The following ITPR3 variants were observed in gnomAD, a reference collection of about 807,000 sequenced individuals.
ITPR3 encodes the protein inositol 1,4,5-trisphosphate receptor type 3.
In ITPR3, 173 loss-of-function variants were observed where a neutral mutation model predicts 293.2. The ratio of observed to expected loss-of-function variants is 0.59; its 90% CI spans 0.52 to 0.67. ITPR3 has a LOEUF of 0.67. ITPR3 is among the 30% of genes least tolerant of loss of function. ITPR3 has a pLI of 0.00. For missense variants in ITPR3, 2,796 were observed against 3,592.1 expected, an observed-to-expected ratio of 0.78 and a Z score of 5.66; for synonymous variants, 1,295 against 1,444.4, an observed-to-expected ratio of 0.90 and a Z score of 2.35.
In ITPR3 at chr6:33,655,635, T is replaced by A; in HGVS notation, c.161-131T>A. The A allele has an allele frequency of 8.2e-7, 1 of 1,221,494 alleles. No homozygotes were observed. Among genetic ancestry groups the A allele is most frequent in the Non-Finnish European group, 1.1e-6 (1 of 872,944 alleles). The allele number at this position is 1,221,494 out of a possible 1,614,324, so 75.7% of individuals were successfully genotyped here. On this transcript the variant is annotated intron_variant, in intron 2 of 57. Transcript: ENST00000605930. This position sits in a 1 kb window ranked among gnomAD's most constrained non-coding sequence, Gnocchi z 4.9. ...CTGTGAGGTTCTTCCAACCGCTTCC[T>A]CTCTACCTGCAGCGGGGAACGGGGG...
intron 3 of ITPR3, among the ~76,000 whole-genome samples, chr6:33,657,163 G>T (rs987287288): frequency 1.2e-4 from 19 of 152,240 alleles, no homozygotes; most frequent in South Asian, 1.0e-3. Flanking sequence ...CTCAGTAAAG[G>T]ACTGAGGAGG....
Position 33,679,978 on chromosome 6 carries a change from G to T in ITPR3, c.4069G>T (p.Glu1357Ter). 1 of 1,613,914 alleles carries T rather than the reference G, an allele frequency of 6.2e-7. No homozygotes were observed. Among genetic ancestry groups the T allele is most frequent in the Non-Finnish European group, 8.5e-7 (1 of 1,180,040 alleles). Residue 1357 changes from glutamate (E) to a stop codon, truncating the protein, a stop_gained, in exon 31 of 58, where the codon GAG (glutamate) becomes TAG (stop). Coordinates refer to ENST00000605930, the MANE Select transcript of ITPR3 (RefSeq NM_002224.4). LOFTEE classifies it high-confidence loss of function. The surrounding 1 kb of genome is among the most constrained non-coding windows in gnomAD (Gnocchi z 4.2). ...DMMKAARDGV[E>*]DHSPLMYHIS... ...GATGAAGGCCGCCCGCGACGGCGTG[G>T]AGGACCACAGCCCCCTCATGTACCA...
In ITPR3 at chr6:33,689,053, C is replaced by T. The variant is rs79983945; in HGVS notation, c.6695-185C>T. Among the ~76,000 whole-genome samples the T allele has an allele frequency of 8.1e-3, 1,227 of 152,332 alleles. 20 individuals carry two copies. Among genetic ancestry groups the T allele is most frequent in the South Asian group, 0.04 (194 of 4,826 alleles). ...TCAGCCAGAAACAAAACCTGGTAGC[C>T]GCAGCCGGACAGGGCCTCCCGCTTA... On this transcript the variant is annotated intron_variant, in intron 49 of 57. Transcript: ENST00000605930.
rs1421582755 is a variant in ITPR3 at position 33,679,947 on chromosome 6, G to A, written c.4038G>A (p.Leu1346=). Residue 1346 remains leucine (L), a synonymous_variant, in exon 31 of 58, where the codon CTG becomes CTA. Coordinates refer to ENST00000605930, the MANE Select transcript of ITPR3 (RefSeq NM_002224.4). The surrounding 1 kb of genome is among the most constrained non-coding windows in gnomAD (Gnocchi z 4.2). ...ATAAGGCATCGCTGGCCCACCTGCT[G>A]GACATGATGAAGGCCGCCCGCGACG... ...YNDKASLAHL[L]DMMKAARDGV... is the part of the protein sequence containing the mutation. 6.2e-7 allele frequency: 1 copy of A among 1,613,770 alleles called. No individual in the cohort carries two copies. The highest frequency in any genetic ancestry group is 1.3e-5 in the African/African-American group (1 of 74,924).
Position 33,655,066 on chromosome 6 carries a change from G to A in ITPR3, c.161-700G>A, listed in dbSNP as rs1003986938. ...CTAGAGAACATGTTTCTGGAATTTG[G>A]ATTTGCCTTGTCTTAGGTCAGATTC... On this transcript the variant is annotated intron_variant, in intron 2 of 57. Coordinates refer to ENST00000605930, the MANE Select transcript of ITPR3 (RefSeq NM_002224.4). The surrounding 1 kb of genome is among the most constrained non-coding windows in gnomAD (Gnocchi z 4.9). 6.6e-6 allele frequency among the ~76,000 whole-genome samples: 1 copy of A among 152,222 alleles called. No homozygotes were observed. Among genetic ancestry groups the A allele is most frequent in the Non-Finnish European group, 1.5e-5 (1 of 68,042 alleles).
In ITPR3 at chr6:33,621,369, G is replaced by A. The variant is rs561406215; in HGVS notation, c.-234G>A. 1 of 248,434 alleles carries A rather than the reference G, an allele frequency of 4.0e-6. No homozygotes were observed. The highest frequency in any genetic ancestry group is 7.6e-6 in the Non-Finnish European group (1 of 131,412). The allele number at this position is 248,434 out of a possible 1,614,324, so 15.4% of individuals were successfully genotyped here. ...TGCAGGTACGCGCGGGCCGGGCGGGGCGGGCGGGCGGCGGGCGCGCCAAGA... is the reference window on the plus strand; with the variant it reads ...TGCAGGTACGCGCGGGCCGGGCGGGACGGGCGGGCGGCGGGCGCGCCAAGA... On this transcript the variant is annotated 5_prime_UTR_variant, in exon 1 of 58. Coordinates refer to ENST00000605930, the MANE Select transcript of ITPR3 (RefSeq NM_002224.4). This position sits in a 1 kb window ranked among gnomAD's most constrained non-coding sequence, Gnocchi z 7.7.
chr6:33,649,310 C>T (rs2127247492), intron 2 of ITPR3, among the ~76,000 whole-genome samples: 1 of 152,374 alleles, frequency 6.6e-6, no homozygotes, highest in African/African-American at 2.4e-5. Flanking sequence ...ACTGCAACCT[C>T]TCCCTCCTGG....
intron 2 of ITPR3, among the ~76,000 whole-genome samples, chr6:33,649,788 G>A (rs532752732): frequency 1.2e-4 from 18 of 152,272 alleles, no homozygotes; most frequent in African/African-American, 4.1e-4. Context: ...TGGGGGAGAG[G>A]TGCCTTTAAA....
chr6:33,683,240 T>G lies in ITPR3; in HGVS notation c.4631T>G (p.Leu1544Arg). 1 of 1,555,628 alleles carries G rather than the reference T, an allele frequency of 6.4e-7. No individual in the cohort carries two copies. The highest frequency in any genetic ancestry group is 8.7e-7 in the Non-Finnish European group (1 of 1,147,232). Residue 1544 changes from leucine (L) to arginine (R), a missense_variant, in exon 35 of 58, where the codon CTG (leucine) becomes CGG (arginine). Physicochemically the swap from Leu to Arg is moderately radical, Grantham distance 102 (BLOSUM62 -2). Around this residue, in one of 8 missense-constraint regions of ITPR3, gnomAD observed 704 missense variants for 797.5 expected, o/e 0.88. Coordinates refer to ENST00000605930, the MANE Select transcript of ITPR3 (RefSeq NM_002224.4). The surrounding 1 kb of genome is among the most constrained non-coding windows in gnomAD (Gnocchi z 4.5). ...KGRAILLPMD[L>R]DAHISSMLSS... is the part of the protein sequence containing the mutation. Reference sequence around the variant, plus strand: ...CGGGCCATCTTGCTGCCCATGGACCTGGATGCCCACATCAGCTCGATGCTC... The same window carrying G: ...CGGGCCATCTTGCTGCCCATGGACCGGGATGCCCACATCAGCTCGATGCTC...
Position 33,679,175 on chromosome 6 carries a change from A to G in ITPR3, c.3972+336A>G, listed in dbSNP as rs1764999009. ...ACCTGCTACGTGCCACGGACTGTAC[A>G]TGCATGGGGGACATCAGCTGAGTGT... On this transcript the variant is annotated intron_variant, in intron 30 of 57. Transcript: ENST00000605930. This position sits in a 1 kb window ranked among gnomAD's most constrained non-coding sequence, Gnocchi z 4.2. Among the ~76,000 whole-genome samples, 1 of 152,186 alleles carries G rather than the reference A, an allele frequency of 6.6e-6. No individual in the cohort carries two copies. Among genetic ancestry groups the G allele is most frequent in the African/African-American group, 2.4e-5 (1 of 41,434 alleles).
In ITPR3 at chr6:33,672,004, ACCT is replaced by A; in HGVS notation, c.2729-20_2729-18del. 1.3e-6 allele frequency: 2 copies of A among 1,574,080 alleles called. No individual in the cohort carries two copies. Among genetic ancestry groups the A allele is most frequent in the Non-Finnish European group, 8.6e-7 (1 of 1,159,040 alleles). On this transcript the variant is annotated intron_variant, in intron 21 of 57. Transcript: ENST00000605930. The surrounding 1 kb of genome is among the most constrained non-coding windows in gnomAD (Gnocchi z 5.0). ...TACAGCCTCTACAACCTCCTTGGCAACCTCCTCTGCTTCCCCCTCCACAGGCAA... is the reference window on the plus strand; with the variant it reads ...TACAGCCTCTACAACCTCCTTGGCAACCTCTGCTTCCCCCTCCACAGGCAA...
rs1269322838 is a variant in ITPR3, at chr6:33,683,709, G to A, written c.4789-311G>A. ...CTGTCTATGCAGCACATTTCTGTGC[G>A]CTGTCTCGTTGGCCTGTAGAGGGGG... On this transcript the variant is annotated intron_variant, in intron 35 of 57. Transcript: ENST00000605930. This position sits in a 1 kb window ranked among gnomAD's most constrained non-coding sequence, Gnocchi z 4.5. Among the ~76,000 whole-genome samples, 4 of 152,166 alleles carry A rather than the reference G, an allele frequency of 2.6e-5. No individual in the cohort carries two copies. Among genetic ancestry groups the A allele is most frequent in the African/African-American group, 9.7e-5 (4 of 41,404 alleles).
rs546715320 is a variant in ITPR3, at chr6:33,686,867, C to G, written c.5980-142C>G. On this transcript the variant is annotated intron_variant, in intron 43 of 57. Coordinates refer to ENST00000605930, the MANE Select transcript of ITPR3 (RefSeq NM_002224.4). The stretch of plus-strand genomic sequence containing the variant: ...GCTGTGCAGGATGCTTCTCATTAAG[C>G]CGGGGGGAGGGAGGATGGGAAGGTC... The G allele has an allele frequency of 1.0e-4, 72 of 697,404 alleles. 1 individual carries two copies. In the African/African-American group the frequency reaches 1.1e-3, roughly 10 times the overall value. The allele number at this position is 697,404 out of a possible 1,614,324, so 43.2% of individuals were successfully genotyped here. A position where few individuals can be genotyped will look rare whatever the true frequency, so the allele number is the denominator to read the frequency against.
At chr6:33,641,157 G>A (rs1308127107) in intron 2 of ITPR3, among the ~76,000 whole-genome samples, 7 of 152,214 alleles carry the variant, frequency 4.6e-5, no homozygotes, top group East Asian at 3.8e-4. Context: ...TCCTCGGGCC[G>A]CCCAGCAGGC....
rs758319413 is a variant in ITPR3, at chr6:33,695,781, G to A, written c.*1G>A. The A allele has an allele frequency of 1.2e-6, 2 of 1,614,058 alleles. No individual in the cohort carries two copies. The highest frequency in any genetic ancestry group is 1.7e-6 in the Non-Finnish European group (2 of 1,179,982). On this transcript the variant is annotated 3_prime_UTR_variant, in exon 58 of 58. Coordinates refer to ENST00000605930, the MANE Select transcript of ITPR3 (RefSeq NM_002224.4). ...TGTCCAGAACTGCATTAGCCGCTGA[G>A]GAGAGCCACCGAAGGCCCCAACAGG...
In ITPR3 at chr6:33,684,887, C is replaced by T; in HGVS notation, c.5251C>T (p.Gln1751Ter). Reference sequence around the variant, plus strand: ...CAGCACCAAGAACGAGAAGATCTTCCAGGAGAGCATCGGCCTGGCCATCCA... The same window carrying T: ...CAGCACCAAGAACGAGAAGATCTTCTAGGAGAGCATCGGCCTGGCCATCCA... ...ITSTKNEKIF[Q>*]ESIGLAIHLL... Residue 1751 changes from glutamine to a stop codon, truncating the protein, a stop_gained, in exon 39 of 58, where the codon CAG (glutamine) becomes TAG (stop). Coordinates refer to ENST00000605930, the MANE Select transcript of ITPR3 (RefSeq NM_002224.4). LOFTEE classifies it high-confidence loss of function. The surrounding 1 kb of genome is among the most constrained non-coding windows in gnomAD (Gnocchi z 4.2). 1 of 1,614,060 alleles carries T rather than the reference C, an allele frequency of 6.2e-7. No homozygotes were observed. The highest frequency in any genetic ancestry group is 8.5e-7 in the Non-Finnish European group (1 of 1,179,990).
intron 55 of ITPR3, 150 bp from the exon 56 acceptor site, chr6:33,693,395 A>T: frequency 1.4e-6 from 1 of 713,628 alleles, no homozygotes; most frequent in Non-Finnish European, 2.3e-6. Flanking sequence ...TTTAAATAGA[A>T]GTGACCCAAA....
intron 7 of ITPR3, among the ~76,000 whole-genome samples, chr6:33,660,613 G>A (rs1561862898): frequency 6.7e-6 from 1 of 148,440 alleles, no homozygotes; most frequent in South Asian, 2.3e-4. Context: ...TTCCAGCCCC[G>A]AATCTGTGCA....
chr6:33,684,302 T>C lies in ITPR3; in HGVS notation c.4938-55T>C. The C allele has an allele frequency of 6.3e-7, 1 of 1,594,086 alleles. No individual in the cohort carries two copies. The highest frequency in any genetic ancestry group is 1.1e-5 in the South Asian group (1 of 90,608). On this transcript the variant is annotated intron_variant, in intron 36 of 57. Coordinates refer to ENST00000605930, the MANE Select transcript of ITPR3 (RefSeq NM_002224.4). The surrounding 1 kb of genome is among the most constrained non-coding windows in gnomAD (Gnocchi z 4.2). ...TCCTGCCTGGGATGGGGTGGGGAAG[T>C]AGCTGGAGGGAGGCAGTGTGGGGCT...
Sources: allele counts gnomAD v4.1 joint callset (sites outside exome capture counted in the v4.1 genomes callset), GRCh38; gene constraint gnomAD v4.1.1; regional missense constraint gnomAD v4.1.1; non-coding constraint Gnocchi (gnomAD v3.1); transcripts MANE v1.5; gene names NCBI Gene and HGNC (gene_info 2026-07-23, HGNC 2026-07-21).